Variants in MEF2A observed in about 807,000 individuals in gnomAD.
MEF2A encodes myocyte-specific enhancer factor 2A.
A neutral mutation model predicts 55.8 loss-of-function variants in MEF2A; 28 were observed. That is an observed-to-expected ratio of 0.50 (90% CI 0.37 to 0.69). The LOEUF (loss-of-function observed/expected upper bound fraction) is 0.69. Ranked by LOEUF, MEF2A falls within the 30% of genes least tolerant of loss-of-function variation. The probability of loss-of-function intolerance (pLI) is 0.00; values close to 1 mark genes in which losing one functional copy is unlikely to be tolerated. For missense variants in MEF2A, 528 were observed against 626.2 expected, an observed-to-expected ratio of 0.84 and a Z score of 1.67; for synonymous variants, 239 against 227.1, an observed-to-expected ratio of 1.05 and a Z score of -0.47.
intron 8 of MEF2A, among the ~76,000 whole-genome samples, chr15:99,695,859 CAAAAA>C (rs55908002): frequency 7.4e-6 from 1 of 135,268 alleles, no homozygotes; most frequent in African/African-American, 3.2e-5. Context: ...AACTCCGTCT[CAAAAA>C]AAAAAAAAAG....
At chr15:99,674,267 G>A (rs2051458359) in intron 5 of MEF2A, 126 bp from the exon 6 acceptor site, 3 of 772,278 alleles carry the variant, frequency 3.9e-6, no homozygotes, top group Non-Finnish European at 6.2e-6. Context: ...CTGTAAATTG[G>A]TTAAGAACCT....
chr15:99,589,748 T>C (rs1238585274), intron 1 of MEF2A, among the ~76,000 whole-genome samples: 1 of 152,144 alleles, frequency 6.6e-6, no homozygotes, highest in African/African-American at 2.4e-5. Context: ...CCATGAGTTA[T>C]TTAGAAATCT....
intron 1 of MEF2A, among the ~76,000 whole-genome samples, chr15:99,581,718 G>C (rs1441086114): frequency 6.6e-6 from 1 of 152,094 alleles, no homozygotes; most frequent in Non-Finnish European, 1.5e-5. Context: ...GGAGGTAATG[G>C]TTTAGGCAGG....
chr15:99,698,057 A>T (rs2153751069), intron 8 of MEF2A, among the ~76,000 whole-genome samples: 1 of 152,376 alleles, frequency 6.6e-6, no homozygotes, highest in East Asian at 1.9e-4. Flanking sequence ...TCTGAAAATA[A>T]CTCAAACTTT....
chr15:99,682,367 T>C (rs1202639950), intron 7 of MEF2A, among the ~76,000 whole-genome samples: 1 of 152,198 alleles, frequency 6.6e-6, no homozygotes, highest in Admixed American at 6.5e-5. Context: ...CCTTGAAAAC[T>C]GGAAACACAT....
intron 4 of MEF2A, among the ~76,000 whole-genome samples, chr15:99,665,455 G>C (rs1005245806): frequency 3.9e-5 from 6 of 152,004 alleles, no homozygotes; most frequent in Non-Finnish European, 8.8e-5. Flanking sequence ...AGATTTAAAC[G>C]TAAGACCTAA....
intron 1 of MEF2A, among the ~76,000 whole-genome samples, chr15:99,574,706 C>G (rs375120504): frequency 6.6e-6 from 1 of 152,190 alleles, no homozygotes; most frequent in African/African-American, 2.4e-5. Context: ...GCTGTAAATA[C>G]AGATGAAGGT....
chr15:99,603,779 T>G (rs140307678), intron 2 of MEF2A, among the ~76,000 whole-genome samples: 1 of 152,284 alleles, frequency 6.6e-6, no homozygotes, highest in East Asian at 1.9e-4. Context: ...TAGGTCACAT[T>G]GGTTGATAGT....
intron 4 of MEF2A, among the ~76,000 whole-genome samples, chr15:99,653,369 G>C (rs1262167396): frequency 6.6e-6 from 1 of 152,180 alleles, no homozygotes; most frequent in Non-Finnish European, 1.5e-5. Flanking sequence ...TAGGGATCTA[G>C]ATTCTACAGA....
At chr15:99,676,130 A>G (rs1245345921) in intron 7 of MEF2A, among the ~76,000 whole-genome samples, 1 of 152,240 alleles carries the variant, frequency 6.6e-6, no homozygotes, top group African/African-American at 2.4e-5. Context: ...TTATTAAGAC[A>G]AGTTACAAAA....
At chr15:99,655,644 T>C (rs1037401746) in intron 4 of MEF2A, among the ~76,000 whole-genome samples, 2 of 152,030 alleles carry the variant, frequency 1.3e-5, no homozygotes, top group Non-Finnish European at 2.9e-5. Flanking sequence ...TTTAGTAATG[T>C]TGAGAATTAT....
At chr15:99,671,632 A>G (rs1432928058) in intron 5 of MEF2A, 178 bp downstream of exon 5, 1 of 1,587,184 alleles carries the variant, frequency 6.3e-7, no homozygotes, top group Non-Finnish European at 8.6e-7. Flanking sequence ...GAATTTGATA[A>G]TATGATGCGG....
intron 1 of MEF2A, among the ~76,000 whole-genome samples, chr15:99,583,803 G>A (rs1966597469): frequency 1.3e-5 from 2 of 152,142 alleles, no homozygotes; most frequent in South Asian, 4.1e-4. Context: ...TGAGGTGGTA[G>A]TAGTGATAAC....
chr15:99,590,363 ATATCT>A (rs1319271919), intron 1 of MEF2A, among the ~76,000 whole-genome samples: 1 of 149,704 alleles, frequency 6.7e-6, no homozygotes, highest in Non-Finnish European at 1.5e-5. Flanking sequence ...ATTTAAAGTG[ATATCT>A]TATAGACAAC....
At chr15:99,570,013 C>T (rs1030969271) in intron 1 of MEF2A, among the ~76,000 whole-genome samples, 13 of 151,440 alleles carry the variant, frequency 8.6e-5, no homozygotes, top group Admixed American at 4.6e-4. Flanking sequence ...TATATAGATG[C>T]TTTATACTTT....
intron 1 of MEF2A, among the ~76,000 whole-genome samples, chr15:99,577,404 T>TGCGGAATAGCAGTGA (rs148702516): frequency 6.6e-6 from 1 of 151,970 alleles, no homozygotes; most frequent in Non-Finnish European, 1.5e-5. Context: ...GGCTAGGTGC[T>TGCGGAATAGCAGTGA]GCAAGGCTTG....
intron 2 of MEF2A, among the ~76,000 whole-genome samples, chr15:99,609,273 T>C (rs1976287030): frequency 6.6e-6 from 1 of 152,270 alleles, no homozygotes; most frequent in South Asian, 2.1e-4. Context: ...TGTATGTTTA[T>C]TGATCTTATT....
intron 7 of MEF2A, among the ~76,000 whole-genome samples, chr15:99,680,039 T>G (rs759033454): frequency 2.0e-4 from 30 of 152,146 alleles, no homozygotes; most frequent in Non-Finnish European, 3.5e-4. Flanking sequence ...GACAAGTCAG[T>G]TTAAGATGAC....
chr15:99,709,493 C>T (rs573242429), intron 10 of MEF2A, among the ~76,000 whole-genome samples: 35 of 152,280 alleles, frequency 2.3e-4, no homozygotes, highest in African/African-American at 7.9e-4. Flanking sequence ...GGGTCCTTGC[C>T]CCAGCCCATG....
Sources: allele counts gnomAD v4.1 joint callset (sites outside exome capture counted in the v4.1 genomes callset), GRCh38; gene constraint gnomAD v4.1.1; transcripts MANE v1.5; gene names NCBI Gene and HGNC (gene_info 2026-07-23, HGNC 2026-07-21).